BAZ2B: variants seen among roughly 807,000 people sequenced by gnomAD.
BAZ2B encodes bromodomain adjacent to zinc finger domain protein 2B.
A neutral mutation model predicts 246.0 loss-of-function variants in BAZ2B; 91 were observed. The ratio of observed to expected loss-of-function variants is 0.37; its 90% CI spans 0.31 to 0.44. The LOEUF is 0.44. Among genes scored for constraint, BAZ2B ranks in the 20% least tolerant of loss-of-function variants. The pLI is 1.00. For missense variants in BAZ2B, 2,332 were observed against 2,533.7 expected (o/e 0.92, Z 1.71); for synonymous variants, 855 against 860.0 (o/e 0.99, Z 0.10).
intron 22 of BAZ2B, 67 bp from the exon 23 acceptor site, chr2:159,385,436 A>G (rs1486614050): frequency 7.3e-7 from 1 of 1,373,516 alleles, no homozygotes; most frequent in East Asian, 2.3e-5. Context: ...CAATAAGATT[A>G]AAAATCCTCA....
intron 19 of BAZ2B, chr2:159,396,458 C>A (rs1166693701): frequency 5.3e-5 from 8 of 152,078 alleles, no homozygotes; most frequent in Non-Finnish European, 8.8e-5. Context: ...ATGTCTGCCA[C>A]CTGATACTCT....
chr2:159,373,920 TATA>T (rs2061123288), intron 26 of BAZ2B, among the ~76,000 whole-genome samples: 1 of 152,184 alleles, frequency 6.6e-6, no homozygotes, highest in African/African-American at 2.4e-5. Context: ...CTAGACAACA[TATA>T]ATTAAGTTTT....
At chr2:159,532,560 T>A (rs2085489019) in intron 2 of BAZ2B, among the ~76,000 whole-genome samples, 1 of 152,174 alleles carries the variant, frequency 6.6e-6, no homozygotes, top group Admixed American at 6.5e-5. Context: ...TGATAGGAAG[T>A]GTGTTACATA....
the BAZ2B span, among the ~76,000 whole-genome samples, chr2:159,704,486 T>C: frequency 6.8e-6 from 1 of 147,296 alleles, no homozygotes; most frequent in Non-Finnish European, 1.5e-5. Flanking sequence ...CTTTTTCTTT[T>C]TTTTTTTTTT....
intron 2 of BAZ2B, among the ~76,000 whole-genome samples, chr2:159,524,926 T>C (rs1437938147): frequency 6.6e-6 from 1 of 151,966 alleles, no homozygotes. Context: ...AATAAATACA[T>C]GGTAGTCCCA....
intron 2 of BAZ2B, among the ~76,000 whole-genome samples, chr2:159,483,452 C>A (rs570317266): frequency 6.6e-6 from 1 of 152,114 alleles, no homozygotes; most frequent in Non-Finnish European, 1.5e-5. Context: ...TGCCTGTCTT[C>A]GCCTCCCAAA....
At chr2:159,548,458 G>A (rs2087677614) in intron 2 of BAZ2B, among the ~76,000 whole-genome samples, 1 of 152,070 alleles carries the variant, frequency 6.6e-6, no homozygotes, top group African/African-American at 2.4e-5. Context: ...AACACACTAG[G>A]AAAGATATTT....
intron 1 of BAZ2B, among the ~76,000 whole-genome samples, chr2:159,574,044 G>A (rs1325014230): frequency 6.6e-6 from 1 of 151,990 alleles, no homozygotes; most frequent in Non-Finnish European, 1.5e-5. Flanking sequence ...AGCCTACAGT[G>A]AGCCATGATG....
intron 2 of BAZ2B, among the ~76,000 whole-genome samples, chr2:159,533,896 T>C (rs1197454813): frequency 6.6e-6 from 1 of 152,210 alleles, no homozygotes; most frequent in Non-Finnish European, 1.5e-5. Flanking sequence ...TAATGTAGAC[T>C]AAGCCACATA....
chr2:159,325,061 T>TC (rs1491360664), intron 35 of BAZ2B, 107 bp from the exon 36 acceptor site: 7,182 of 15,850 alleles, frequency 0.45, 1,446 homozygotes, highest in East Asian at 0.67. Context: ...ATATATATAT[T>TC]ATATATATAT....
chr2:159,344,267 G>A (rs1270161598), intron 31 of BAZ2B, among the ~76,000 whole-genome samples: 2 of 152,056 alleles, frequency 1.3e-5, no homozygotes, highest in African/African-American at 4.8e-5. Context: ...GCCGGGTGTG[G>A]TGGCTCATGC....
chr2:159,379,135 A>G (rs908248595), intron 25 of BAZ2B, among the ~76,000 whole-genome samples: 1 of 152,198 alleles, frequency 6.6e-6, no homozygotes, highest in Non-Finnish European at 1.5e-5. Context: ...AATGTGATAT[A>G]TATATACAGT....
At chr2:159,430,613 C>A (rs1262668958) in intron 10 of BAZ2B, among the ~76,000 whole-genome samples, 9 of 151,840 alleles carry the variant, frequency 5.9e-5, no homozygotes, top group Non-Finnish European at 1.0e-4. Flanking sequence ...AAACTGAACA[C>A]AAAAGCAGAA....
At chr2:159,597,590 G>A (rs755312686) in intron 1 of BAZ2B, among the ~76,000 whole-genome samples, 4 of 152,058 alleles carry the variant, frequency 2.6e-5, no homozygotes, top group South Asian at 2.1e-4. Context: ...GCAGTGACGC[G>A]ATGTCAGCTC....
chr2:159,438,132 A>C, intron 8 of BAZ2B, 171 bp downstream of exon 8: 1 of 637,344 alleles, frequency 1.6e-6, no homozygotes, highest in South Asian at 2.1e-5. Context: ...TACATATATG[A>C]ATATAAAATC....
chr2:159,707,788 T>C, the BAZ2B span, among the ~76,000 whole-genome samples: 427 of 151,470 alleles, frequency 2.8e-3, no homozygotes, highest in Middle Eastern at 0.044. Flanking sequence ...GATCACACTA[T>C]TGCACTCCAG....
chr2:159,656,818 T>A, the BAZ2B span, among the ~76,000 whole-genome samples: 1 of 152,184 alleles, frequency 6.6e-6, no homozygotes, highest in African/African-American at 2.4e-5. Flanking sequence ...TTAGATCCTT[T>A]GCTCATTTTT....
chr2:159,702,232 A>T, the BAZ2B span, among the ~76,000 whole-genome samples: 1 of 152,214 alleles, frequency 6.6e-6, no homozygotes, highest in East Asian at 1.9e-4. Context: ...GTTAAAAAGC[A>T]AAGTGTTATA....
rs1341437199 is a variant in BAZ2B, at chr2:159,337,777, A to G, written c.5455-5T>C. 5 of 1,610,976 alleles carry G rather than the reference A, an allele frequency of 3.1e-6. No individual in the cohort carries two copies. The highest frequency in any genetic ancestry group is 4.2e-6 in the Non-Finnish European group (5 of 1,177,796). ...AGGCTCTGGACACATCCAACCCTAT[A>G]TATCAAGAGAATAGTGTTATTATGG... On this transcript the variant is annotated splice_polypyrimidine_tract_variant and splice_region_variant and intron_variant, in intron 31 of 36. Transcript: ENST00000392783.
Sources: allele counts gnomAD v4.1 joint callset (sites outside exome capture counted in the v4.1 genomes callset), GRCh38; gene constraint gnomAD v4.1.1; transcripts MANE v1.5; gene names NCBI Gene and HGNC (gene_info 2026-07-23, HGNC 2026-07-21).